DCLK1: variants seen among roughly 807,000 people sequenced by gnomAD.
DCLK1 encodes the protein doublecortin like kinase 1, also known as serine/threonine-protein kinase DCLK1.
A neutral mutation model predicts 86.2 loss-of-function variants in DCLK1; 16 were observed. The observed-to-expected ratio is 0.19, with a 90% confidence interval of 0.13 to 0.28. The LOEUF is 0.28. Ranked by LOEUF, DCLK1 falls within the 10% of genes least tolerant of loss-of-function variation. The probability of loss-of-function intolerance (pLI) is 1.00; values close to 1 mark genes in which losing one functional copy is unlikely to be tolerated. For synonymous variants in DCLK1, 369 were observed against 370.5 expected (o/e 1.00, Z 0.05); for missense variants, 590 against 940.2 (o/e 0.63, Z 4.87).
chr13:35,841,689 G>T (rs1046432232), intron 6 of DCLK1, among the ~76,000 whole-genome samples: 1 of 152,064 alleles, frequency 6.6e-6, no homozygotes, highest in Non-Finnish European at 1.5e-5. Flanking sequence ...AGAGAAAAAC[G>T]TACTTACGGT....
At chr13:35,848,078 A>G (rs1256712744) in intron 6 of DCLK1, 4 of 985,216 alleles carry the variant, frequency 4.1e-6, no homozygotes, top group Admixed American at 6.2e-5. Context: ...AAGTGAGTGC[A>G]AGTGAAAAAG....
intron 4 of DCLK1, among the ~76,000 whole-genome samples, chr13:35,923,921 T>A (rs1027212937): frequency 1.3e-5 from 2 of 152,118 alleles, no homozygotes; most frequent in African/African-American, 4.8e-5. Flanking sequence ...CATGCTAAAC[T>A]AGACCCCCTT....
At chr13:35,992,140 C>T (rs759840900) in intron 3 of DCLK1, among the ~76,000 whole-genome samples, 10 of 152,176 alleles carry the variant, frequency 6.6e-5, no homozygotes, top group Non-Finnish European at 1.3e-4. Context: ...GGTTCCCACA[C>T]TCATGCCTTC....
At chr13:35,959,101 T>C (rs964577509) in intron 3 of DCLK1, among the ~76,000 whole-genome samples, 4 of 152,236 alleles carry the variant, frequency 2.6e-5, no homozygotes, top group African/African-American at 9.6e-5. Context: ...ACAAACTTGA[T>C]TCTTAATGGC....
At chr13:36,073,626 G>T (rs1177541759) in intron 3 of DCLK1, among the ~76,000 whole-genome samples, 1 of 152,212 alleles carries the variant, frequency 6.6e-6, no homozygotes, top group Non-Finnish European at 1.5e-5. Flanking sequence ...TCCTGTTAGG[G>T]TTTAATTCCA....
intron 7 of DCLK1, among the ~76,000 whole-genome samples, chr13:35,836,899 G>A (rs887427237): frequency 1.3e-5 from 2 of 152,182 alleles, no homozygotes; most frequent in South Asian, 4.1e-4. Flanking sequence ...ATAAGCCACA[G>A]TTAGGTCACG....
intron 16 of DCLK1, among the ~76,000 whole-genome samples, chr13:35,780,143 T>C (rs2086500452): frequency 1.3e-5 from 2 of 152,166 alleles, no homozygotes. Flanking sequence ...TGTGTGTGTA[T>C]GGCTAGCTTT....
At chr13:35,778,359 T>G (rs2086463138) in intron 16 of DCLK1, among the ~76,000 whole-genome samples, 1 of 152,232 alleles carries the variant, frequency 6.6e-6, no homozygotes, top group Non-Finnish European at 1.5e-5. Context: ...ACTCATTGTC[T>G]TCCTTTACTG....
chr13:35,896,336 C>A (rs1299360349), intron 4 of DCLK1, among the ~76,000 whole-genome samples: 2 of 151,812 alleles, frequency 1.3e-5, no homozygotes, highest in Non-Finnish European at 2.9e-5. Context: ...GTCAGGAGTT[C>A]GAGACCAGCC....
At chr13:35,812,512 G>T (rs116680642) in intron 11 of DCLK1, among the ~76,000 whole-genome samples, 2 of 152,160 alleles carry the variant, frequency 1.3e-5, no homozygotes, top group East Asian at 1.9e-4. Context: ...CACACGTCAC[G>T]TCTGCCTTCC....
chr13:35,787,613 C>T (rs1235170503), intron 16 of DCLK1, among the ~76,000 whole-genome samples: 1 of 152,022 alleles, frequency 6.6e-6, no homozygotes, highest in Non-Finnish European at 1.5e-5. Context: ...CATGCAATAG[C>T]TAATACATAG....
chr13:36,065,721 GA>G (rs36107472), intron 3 of DCLK1, among the ~76,000 whole-genome samples: 26,428 of 152,072 alleles, frequency 0.17, 2,727 homozygotes, highest in East Asian at 0.46. Flanking sequence ...CTAAGCAAAG[GA>G]AAGACTCATC....
At chr13:35,880,408 C>T (rs1054386589) in intron 4 of DCLK1, among the ~76,000 whole-genome samples, 10 of 152,134 alleles carry the variant, frequency 6.6e-5, no homozygotes, top group African/African-American at 2.4e-4. Flanking sequence ...AAGGTTCTTT[C>T]CCTTCCAGGT....
At chr13:35,954,971 G>C (rs1877903921) in intron 3 of DCLK1, among the ~76,000 whole-genome samples, 3 of 152,152 alleles carry the variant, frequency 2.0e-5, no homozygotes, top group South Asian at 2.1e-4. Flanking sequence ...TGATTCGCTG[G>C]GTCAATCAGA....
chr13:35,927,501 G>A (rs541868561), intron 4 of DCLK1, among the ~76,000 whole-genome samples: 9 of 152,196 alleles, frequency 5.9e-5, no homozygotes, highest in Non-Finnish European at 1.3e-4. Context: ...TACACCGTTT[G>A]ATTTCTCCTT....
chr13:36,051,448 A>AT (rs551010333), intron 3 of DCLK1, among the ~76,000 whole-genome samples: 9 of 151,808 alleles, frequency 5.9e-5, no homozygotes, highest in Non-Finnish European at 1.2e-4. Flanking sequence ...GTACAAGTCA[A>AT]TTTTTTTTTA....
intron 4 of DCLK1, among the ~76,000 whole-genome samples, chr13:35,920,682 G>A (rs147238951): frequency 2.0e-5 from 3 of 152,202 alleles, no homozygotes; most frequent in Non-Finnish European, 4.4e-5. Context: ...TTTCTAAACC[G>A]GAGATTGAGG....
chr13:36,088,388 G>A (rs945870259), intron 3 of DCLK1, among the ~76,000 whole-genome samples: 5 of 152,196 alleles, frequency 3.3e-5, no homozygotes, highest in African/African-American at 1.2e-4. Flanking sequence ...GCTGGCTTCT[G>A]TACTTCAGGA....
chr13:35,962,716 A>G (rs2153137576), intron 3 of DCLK1, among the ~76,000 whole-genome samples: 1 of 152,340 alleles, frequency 6.6e-6, no homozygotes, highest in East Asian at 1.9e-4. Context: ...AGAGGGTTTT[A>G]GAGGAAAACT....
Sources: gnomAD v4.1 joint callset for allele counts (sites outside exome capture counted in the v4.1 genomes callset) on GRCh38, gnomAD v4.1.1 for gene constraint, MANE v1.5 for transcripts, NCBI Gene and HGNC (gene_info 2026-07-23, HGNC 2026-07-21) for gene names.